MSRA: variants seen among roughly 807,000 people sequenced by gnomAD.
The protein encoded by MSRA is methionine sulfoxide reductase A.
In MSRA, 54 loss-of-function variants were observed where a neutral mutation model predicts 31.3. The ratio of observed to expected loss-of-function variants is 1.73; its 90% CI spans 1.39 to 2.17. MSRA has a LOEUF of 2.17. Among genes scored for constraint, MSRA ranks in the 30% most tolerant of loss-of-function variants. MSRA has a pLI of 0.00. For synonymous variants in MSRA, 169 were observed against 116.5 expected (o/e 1.45, Z -2.90); for missense variants, 507 against 300.9 (o/e 1.69, Z -5.07).
intron 5 of MSRA, among the ~76,000 whole-genome samples, chr8:10,365,305 C>G (rs940526117): frequency 6.6e-6 from 1 of 152,094 alleles, no homozygotes; most frequent in Non-Finnish European, 1.5e-5. Context: ...CCAATGGAGC[C>G]GCATTCCTGC....
At chr8:10,128,368 A>G (rs1801651565) in intron 1 of MSRA, among the ~76,000 whole-genome samples, 1 of 152,052 alleles carries the variant, frequency 6.6e-6, no homozygotes, top group African/African-American at 2.4e-5. Context: ...GACAAAAGCA[A>G]AACTCTTGTC....
intron 1 of MSRA, among the ~76,000 whole-genome samples, chr8:10,125,606 C>T (rs532562554): frequency 2.4e-4 from 37 of 152,236 alleles, no homozygotes; most frequent in Non-Finnish European, 4.4e-4. Flanking sequence ...TGAACCTGAT[C>T]CTGCAGGTAT....
chr8:10,274,417 T>G lies in MSRA; in HGVS notation c.332-27117T>G, dbSNP rs534290864. 5.9e-5 allele frequency among the ~76,000 whole-genome samples: 9 copies of G among 152,244 alleles called. No homozygotes were observed. In the East Asian group the frequency reaches 1.7e-3, roughly 29 times the overall value. On this transcript the variant is annotated intron_variant, in intron 3 of 5. Coordinates refer to ENST00000317173, the MANE Select transcript of MSRA (RefSeq NM_012331.5). ...CCCATGAGGGTTTTGGATGCTTCAC[T>G]CCAAATGTCACCATTATCCTGACAC...
At chr8:10,199,424 A>G (rs1808299791) in intron 1 of MSRA, among the ~76,000 whole-genome samples, 2 of 151,970 alleles carry the variant, frequency 1.3e-5, no homozygotes, top group South Asian at 2.1e-4. Context: ...GGTTCAAGTG[A>G]TTCTCCTGCC....
chr8:10,289,702 C>G (rs1431654558), intron 3 of MSRA, among the ~76,000 whole-genome samples: 1 of 152,184 alleles, frequency 6.6e-6, no homozygotes, highest in Non-Finnish European at 1.5e-5. Flanking sequence ...TATTATCATG[C>G]TCGTAGGGCC....
rs373568322 is a variant in MSRA, at chr8:10,207,864, C to A, written c.174C>A (p.Val58=). The A allele has an allele frequency of 1.6e-5, 26 of 1,610,636 alleles. No homozygotes were observed. The highest frequency in any genetic ancestry group is 2.0e-5 in the Non-Finnish European group (23 of 1,178,660). Residue 58 remains valine, a synonymous_variant, in exon 2 of 6, where the codon GTC becomes GTA. Coordinates refer to ENST00000317173, the MANE Select transcript of MSRA (RefSeq NM_012331.5). ...ATCATGTCAATGGCAACAGAACAGT[C>A]GAACCTTTCCCAGAGGGAACACAGA... The part of the protein sequence containing the change: ...AKHHVNGNRT[V]EPFPEGTQMA...
At chr8:10,230,883 C>G (rs1811413107) in intron 2 of MSRA, among the ~76,000 whole-genome samples, 1 of 152,172 alleles carries the variant, frequency 6.6e-6, no homozygotes. Flanking sequence ...CTCCCAGGTT[C>G]AAGCATTTCT....
At chr8:10,326,078 G>A (rs751588682) in intron 5 of MSRA, among the ~76,000 whole-genome samples, 41 of 152,042 alleles carry the variant, frequency 2.7e-4, no homozygotes, top group Non-Finnish European at 4.9e-4. Flanking sequence ...CACTACATTC[G>A]GGACATTTGT....
intron 1 of MSRA, among the ~76,000 whole-genome samples, chr8:10,146,183 C>T (rs1285996308): frequency 7.2e-5 from 11 of 152,170 alleles, no homozygotes; most frequent in South Asian, 2.1e-4. Flanking sequence ...ATGGTGCGAT[C>T]GTAAAGGAAG....
chr8:10,257,788 C>G (rs1315519906), intron 3 of MSRA, among the ~76,000 whole-genome samples: 2 of 152,132 alleles, frequency 1.3e-5, no homozygotes, highest in African/African-American at 4.8e-5. Flanking sequence ...AGGAGACTTG[C>G]CTTGGTTCAA....
chr8:10,055,424 C>A (rs866244549), intron 1 of MSRA, among the ~76,000 whole-genome samples: 1 of 152,230 alleles, frequency 6.6e-6, no homozygotes, highest in African/African-American at 2.4e-5. Flanking sequence ...GCAGACAGCA[C>A]GCGTTTCCCA....
At chr8:10,103,856 AAATT>A (rs1452702854) in intron 1 of MSRA, among the ~76,000 whole-genome samples, 3 of 152,028 alleles carry the variant, frequency 2.0e-5, no homozygotes, top group Non-Finnish European at 4.4e-5. Context: ...TTAAAAAAAA[AAATT>A]AAGGATATAA....
intron 1 of MSRA, chr8:10,095,948 G>C: frequency 1.5e-6 from 2 of 1,358,028 alleles, no homozygotes; most frequent in Non-Finnish European, 1.9e-6. Flanking sequence ...TCTAATTAGA[G>C]GGAATATTAA....
At chr8:10,350,370 G>A (rs1045024120) in intron 5 of MSRA, among the ~76,000 whole-genome samples, 1 of 152,192 alleles carries the variant, frequency 6.6e-6, no homozygotes, top group South Asian at 2.1e-4. Flanking sequence ...GTTAGAGTGC[G>A]GGACTGGACA....
rs145329938 is a variant in MSRA at position 10,403,438 on chromosome 8, A to G, written c.544-24710A>G. Among the ~76,000 whole-genome samples the G allele has an allele frequency of 3.3e-3, 506 of 152,324 alleles. 1 individual carries two copies. The highest frequency in any genetic ancestry group is 0.01 in the Middle Eastern group (3 of 294). On this transcript the variant is annotated intron_variant, in intron 5 of 5. Transcript: ENST00000317173. ...GATGGGATCCCTTCTCCAGGGCCAC[A>G]GGAAGGGAGAGGTTCATGGGTCCTG...
At chr8:10,068,831 G>C (rs1181098284) in intron 1 of MSRA, among the ~76,000 whole-genome samples, 8 of 152,104 alleles carry the variant, frequency 5.3e-5, no homozygotes, top group Non-Finnish European at 1.2e-4. Context: ...CTGGGATTTT[G>C]ATTGCAATGA....
At chr8:10,136,030 G>C (rs1802245249) in intron 1 of MSRA, among the ~76,000 whole-genome samples, 2 of 150,138 alleles carry the variant, frequency 1.3e-5, no homozygotes, top group Admixed American at 6.8e-5. Flanking sequence ...GGGTGAGTTA[G>C]GGCTGACTGT....
chr8:10,114,807 C>T (rs1162438700), intron 1 of MSRA, among the ~76,000 whole-genome samples: 2 of 152,156 alleles, frequency 1.3e-5, no homozygotes, highest in African/African-American at 4.8e-5. Context: ...GATGTCAATT[C>T]TCTTAAAATC....
At chr8:10,260,669 G>C (rs150323576) in intron 3 of MSRA, among the ~76,000 whole-genome samples, 286 of 152,232 alleles carry the variant, frequency 1.9e-3, no homozygotes, top group African/African-American at 6.5e-3. Context: ...TGATGTGAAA[G>C]GGAAATGAAC....
Sources: gnomAD v4.1 joint callset for allele counts (sites outside exome capture counted in the v4.1 genomes callset) on GRCh38, gnomAD v4.1.1 for gene constraint, MANE v1.5 for transcripts, NCBI Gene and HGNC (gene_info 2026-07-23, HGNC 2026-07-21) for gene names.